Variants in MIOS observed in about 807,000 individuals in gnomAD.
MIOS encodes GATOR2 complex protein MIOS.
A neutral mutation model predicts 96.9 loss-of-function variants in MIOS; 52 were observed. The observed-to-expected ratio is 0.54, with a 90% CI of 0.43 to 0.68. MIOS has a LOEUF of 0.68. MIOS is among the 30% of genes least tolerant of loss of function. The pLI, the probability that MIOS is intolerant of heterozygous loss-of-function variation, is 0.00. For missense variants in MIOS, 1,005 were observed against 1,052.8 expected (o/e 0.95, Z 0.63); for synonymous variants, 397 against 359.5 (o/e 1.10, Z -1.18).
chr7:7,578,103 A>G (rs568753269), intron 5 of MIOS, among the ~76,000 whole-genome samples: 1 of 152,324 alleles, frequency 6.6e-6, no homozygotes, highest in South Asian at 2.1e-4. Flanking sequence ...GGAGGAGGAC[A>G]GTTTCAAGTG....
At chr7:7,599,438 G>A (rs934014604) in intron 11 of MIOS, among the ~76,000 whole-genome samples, 21 of 152,168 alleles carry the variant, frequency 1.4e-4, no homozygotes, top group African/African-American at 5.1e-4. Flanking sequence ...TAGGAATTTT[G>A]AAAGTGGGAA....
intron 10 of MIOS, among the ~76,000 whole-genome samples, chr7:7,595,710 A>G (rs2115463598): frequency 6.6e-6 from 1 of 152,342 alleles, no homozygotes; most frequent in Non-Finnish European, 1.5e-5. Flanking sequence ...CAGAGTGTTG[A>G]TAAAATAGCA....
chr7:7,577,745 AG>A (rs1783583926), intron 5 of MIOS, among the ~76,000 whole-genome samples: 1 of 152,124 alleles, frequency 6.6e-6, no homozygotes, highest in Non-Finnish European at 1.5e-5. Flanking sequence ...CCAGAGGCTG[AG>A]GGATTTCCCA....
intron 6 of MIOS, 77 bp downstream of exon 6, chr7:7,583,449 CTAA>C: frequency 7.2e-6 from 10 of 1,383,562 alleles, no homozygotes; most frequent in Non-Finnish European, 9.6e-6. Context: ...AGAAAAGAGG[CTAA>C]TAATTTTCAA....
At chr7:7,595,244 C>CTTTTGTAGACTGAACTT (rs1374149191) in intron 10 of MIOS, 112 bp downstream of exon 10, 3 of 1,134,226 alleles carry the variant, frequency 2.6e-6, no homozygotes, top group Non-Finnish European at 3.7e-6. Context: ...ATGTCTTTGT[C>CTTTTGTAGACTGAACTT]TTTTGTAGAC....
intron 5 of MIOS, among the ~76,000 whole-genome samples, chr7:7,577,051 G>C (rs1244699571): frequency 6.6e-6 from 1 of 152,154 alleles, no homozygotes; most frequent in Admixed American, 6.6e-5. Context: ...TCAGTTCAAA[G>C]CCCAGGGGAG....
intron 5 of MIOS, 140 bp downstream of exon 5, chr7:7,574,336 A>G: frequency 1.7e-6 from 1 of 589,378 alleles, no homozygotes; most frequent in Non-Finnish European, 2.9e-6. Context: ...TGGATATTTC[A>G]TTGTATTGTT....
chr7:7,574,939 G>A (rs764988931), intron 5 of MIOS, among the ~76,000 whole-genome samples: 10 of 152,072 alleles, frequency 6.6e-5, no homozygotes, highest in Non-Finnish European at 1.0e-4. Context: ...AAATATTTGC[G>A]TTATATACTT....
chr7:7,573,411 A>C lies in MIOS; in HGVS notation c.936A>C (p.Thr312=). ...PTPIGDETEP[T]IIERSVQPCD... is the part of the protein sequence containing the mutation. The stretch of plus-strand genomic sequence containing the variant: ...CCATTGGGGATGAAACTGAACCCAC[A>C]ATAATTGAAAGAAGTGTGCAACCTT... Residue 312 remains threonine, a synonymous_variant, in exon 4 of 13, where the codon ACA becomes ACC. Coordinates refer to ENST00000340080, the MANE Select transcript of MIOS (RefSeq NM_019005.4). This position sits in a 1 kb window ranked among gnomAD's most constrained non-coding sequence, Gnocchi z 5.0. The C allele has an allele frequency of 6.2e-7, 1 of 1,614,126 alleles. No homozygotes were observed. The highest frequency in any genetic ancestry group is 8.5e-7 in the Non-Finnish European group (1 of 1,179,950).
At chr7:7,594,894 G>A in intron 9 of MIOS, 86 bp from the exon 10 acceptor site, 1 of 820,238 alleles carries the variant, frequency 1.2e-6, no homozygotes, top group Non-Finnish European at 1.7e-6. Flanking sequence ...TTTCTTCTGT[G>A]TTACTCATAC....
Position 7,607,127 on chromosome 7 carries a change from G to A in MIOS, c.*35G>A, listed in dbSNP as rs756521373. ...ACCTTAAGAGAACCCTTCAAGTGTG[G>A]AGCTTTCTAGTAGGTGTCCTTCATA... On this transcript the variant is annotated 3_prime_UTR_variant, in exon 13 of 13. Transcript: ENST00000340080. 1.3e-6 allele frequency: 2 copies of A among 1,524,630 alleles called. No homozygotes were observed. Among genetic ancestry groups the A allele is most frequent in the Non-Finnish European group, 1.8e-6 (2 of 1,112,398 alleles). The allele number at this position is 1,524,630 out of a possible 1,614,324, so 94.4% of individuals were successfully genotyped here.
At chr7:7,581,667 G>A (rs534414893) in intron 5 of MIOS, 51 of 152,306 alleles carry the variant, frequency 3.3e-4, no homozygotes, top group African/African-American at 1.2e-3. Flanking sequence ...GAGGGCTAAT[G>A]GCCAGAAATT....
At position 7,572,678 on chromosome 7, in the gene MIOS, G is replaced by C; in HGVS notation, c.203G>C (p.Trp68Ser). Residue 68 changes from tryptophan (W) to serine (S), a missense_variant, in exon 4 of 13, where the codon TGG becomes TCG. Transcript: ENST00000340080. The surrounding 1 kb of genome is among the most constrained non-coding windows in gnomAD (Gnocchi z 4.8). ...ACACCCTATATGAAATGTGTTGCCT[G>C]GTATCTTAATTATGATCCTGAATGT... ...SDTPYMKCVAWYLNYDPECLL... is the reference protein window; with the variant it reads ...SDTPYMKCVASYLNYDPECLL... 2.5e-6 allele frequency: 4 copies of C among 1,614,114 alleles called. No homozygotes were observed. The highest frequency in any genetic ancestry group is 3.4e-6 in the Non-Finnish European group (4 of 1,179,996).
chr7:7,589,180 A>C (rs1231479291), intron 8 of MIOS, among the ~76,000 whole-genome samples: 1 of 152,160 alleles, frequency 6.6e-6, no homozygotes, highest in African/African-American at 2.4e-5. Context: ...TTATGGATTA[A>C]TTATCAACAT....
chr7:7,572,332 AG>A lies in MIOS; in HGVS notation c.-40-101del, dbSNP rs1783383118. 9.7e-6 allele frequency: 5 copies of A among 515,418 alleles called. No individual in the cohort carries two copies. Among genetic ancestry groups the A allele is most frequent in the South Asian group, 4.7e-5 (1 of 21,222 alleles). 31.9% of individuals were successfully genotyped at this position (515,418 alleles called of 1,614,324 possible). A position where few individuals can be genotyped will look rare whatever the true frequency, so the allele number is the denominator to read the frequency against. On this transcript the variant is annotated intron_variant, in intron 3 of 12. Transcript: ENST00000340080. This position sits in a 1 kb window ranked among gnomAD's most constrained non-coding sequence, Gnocchi z 4.8. Reference sequence around the variant, plus strand: ...AAGAAATACAAATATATTGAAAAAGAGGGTTCTTGAATAGAGAATTTTCTGA... The same window carrying A: ...AAGAAATACAAATATATTGAAAAAGAGGTTCTTGAATAGAGAATTTTCTGA...
At chr7:7,586,610 G>C (rs546098791) in intron 7 of MIOS, among the ~76,000 whole-genome samples, 1 of 152,204 alleles carries the variant, frequency 6.6e-6, no homozygotes, top group African/African-American at 2.4e-5. Flanking sequence ...GTGATTTAAG[G>C]ATTAGTCCCT....
chr7:7,586,084 A>G (rs1261286163), intron 7 of MIOS, among the ~76,000 whole-genome samples: 1 of 152,040 alleles, frequency 6.6e-6, no homozygotes, highest in African/African-American at 2.4e-5. Context: ...TAGCTTAAGA[A>G]CTGAGCTGTA....
intron 7 of MIOS, among the ~76,000 whole-genome samples, chr7:7,588,232 T>C (rs1251087773): frequency 2.0e-5 from 3 of 152,170 alleles, no homozygotes; most frequent in African/African-American, 4.8e-5. Context: ...TATGTAAGAC[T>C]GACCTGGATT....
chr7:7,607,720 G>A lies in MIOS; in HGVS notation c.*628G>A, dbSNP rs1784570191. On this transcript the variant is annotated 3_prime_UTR_variant, in exon 13 of 13. Transcript: ENST00000340080. ...TTTCCCTCCTTTGATTTTAAGATAAGCAATCTTTTGGCATAACATTATCGT... is the reference window on the plus strand; with the variant it reads ...TTTCCCTCCTTTGATTTTAAGATAAACAATCTTTTGGCATAACATTATCGT... The A allele has an allele frequency of 6.6e-6, 1 of 152,030 alleles. No individual in the cohort carries two copies. Among genetic ancestry groups the A allele is most frequent in the Non-Finnish European group, 1.5e-5 (1 of 67,980 alleles). The allele number at this position is 152,030 out of a possible 1,614,324, so 9.4% of individuals were successfully genotyped here. A position where few individuals can be genotyped will look rare whatever the true frequency, so the allele number is the denominator to read the frequency against.
Sources: gnomAD v4.1 joint callset for allele counts (sites outside exome capture counted in the v4.1 genomes callset) on GRCh38, gnomAD v4.1.1 for gene constraint, Gnocchi (gnomAD v3.1) non-coding constraint, MANE v1.5 for transcripts, NCBI Gene and HGNC (gene_info 2026-07-23, HGNC 2026-07-21) for gene names.